Variants in GARNL3 observed in about 807,000 individuals in gnomAD.
GARNL3 encodes the protein GTPase-activating Rap/Ran-GAP domain-like protein 3.
GARNL3 carries 63 observed loss-of-function variants against 125.0 expected under a neutral mutation model. The observed-to-expected ratio is 0.50, with a 90% confidence interval of 0.41 to 0.62. The LOEUF is 0.62. GARNL3 is among the 20% of genes least tolerant of loss of function. The probability of loss-of-function intolerance (pLI) is 0.00; values close to 1 mark genes in which losing one functional copy is unlikely to be tolerated. For synonymous variants in GARNL3, 439 were observed against 457.5 expected (o/e 0.96, Z 0.52); for missense variants, 994 against 1,244.0 (o/e 0.80, Z 3.02).
chr9:127,322,607 A>G (rs1054561668), intron 6 of GARNL3, among the ~76,000 whole-genome samples: 1 of 152,084 alleles, frequency 6.6e-6, no homozygotes. Flanking sequence ...GCACATGTGT[A>G]TGAGGCTCAG....
intron 27 of GARNL3, 50 bp downstream of exon 27, chr9:127,390,817 A>G (rs772521544): frequency 6.3e-7 from 1 of 1,581,190 alleles, no homozygotes; most frequent in Non-Finnish European, 8.6e-7. Context: ...TATGAGTCAC[A>G]GCACTGCCCA....
intron 7 of GARNL3, among the ~76,000 whole-genome samples, chr9:127,330,920 G>T (rs1294987424): frequency 6.6e-6 from 1 of 152,138 alleles, no homozygotes; most frequent in Non-Finnish European, 1.5e-5. Context: ...CACAGCCTTA[G>T]AACTTGGATT....
intron 2 of GARNL3, among the ~76,000 whole-genome samples, chr9:127,302,710 G>T (rs1232702555): frequency 6.6e-6 from 1 of 152,210 alleles, no homozygotes; most frequent in Non-Finnish European, 1.5e-5. Context: ...GCTGGAGCTG[G>T]AGGACCTTAA....
chr9:127,324,200 A>G (rs1449613813), intron 6 of GARNL3, among the ~76,000 whole-genome samples: 1 of 152,210 alleles, frequency 6.6e-6, no homozygotes. Context: ...GCAATGAGCC[A>G]AGGTCGCACC....
At chr9:127,341,243 A>G (rs1829844650) in intron 13 of GARNL3, among the ~76,000 whole-genome samples, 1 of 152,074 alleles carries the variant, frequency 6.6e-6, no homozygotes, top group African/African-American at 2.4e-5. Context: ...CAGTATTTAT[A>G]CTCATTATTT....
Position 127,384,352 on chromosome 9 carries a change from A to C in GARNL3, c.2270-675A>C, listed in dbSNP as rs1162823877. ...CCATGGAAAGAGTGCAGAGAGAGCC[A>C]GTGCGAAGAAGGGGACAACACGAAG... is the stretch of plus-strand genomic sequence containing the variant. On this transcript the variant is annotated intron_variant, in intron 23 of 27. Transcript: ENST00000373387. This position sits in a 1 kb window ranked among gnomAD's most constrained non-coding sequence, Gnocchi z 4.0. Among the ~76,000 whole-genome samples, 1 of 152,080 alleles carries C rather than the reference A, an allele frequency of 6.6e-6. No individual in the cohort carries two copies. The highest frequency in any genetic ancestry group is 2.4e-5 in the African/African-American group (1 of 41,388).
chr9:127,385,180 TG>T lies in GARNL3; in HGVS notation c.2388+40del. On this transcript the variant is annotated intron_variant, in intron 24 of 27. Coordinates refer to ENST00000373387, the MANE Select transcript of GARNL3 (RefSeq NM_032293.5). The surrounding 1 kb of genome is among the most constrained non-coding windows in gnomAD (Gnocchi z 4.1). ...ACTGGGATTTTATCTCTGAGTGGTT[TG>T]GGGGACCCCGGCACTGTGGGATTTC... 1.4e-6 allele frequency: 2 copies of T among 1,386,554 alleles called. No individual in the cohort carries two copies. The highest frequency in any genetic ancestry group is 1.0e-6 in the Non-Finnish European group (1 of 996,108). The allele number at this position is 1,386,554 out of a possible 1,614,324, so 85.9% of individuals were successfully genotyped here.
chr9:127,254,194 C>T (rs1328263961), intron 2 of GARNL3, among the ~76,000 whole-genome samples: 3 of 152,002 alleles, frequency 2.0e-5, no homozygotes, highest in Non-Finnish European at 4.4e-5. Context: ...TTGAGGAGGT[C>T]TAGGGTAGGA....
upstream of GARNL3, among the ~76,000 whole-genome samples, chr9:127,259,393 C>T (rs1279616921): frequency 1.3e-5 from 2 of 152,146 alleles, no homozygotes; most frequent in African/African-American, 4.8e-5. Context: ...GCCTGGACCA[C>T]GTTGCCTGTG....
At chr9:127,377,451 C>T (rs746909278) in intron 22 of GARNL3, among the ~76,000 whole-genome samples, 36 of 152,048 alleles carry the variant, frequency 2.4e-4, no homozygotes, top group Non-Finnish European at 8.8e-5. Context: ...CCACTGTGTA[C>T]CAAGTCTTAG....
chr9:127,365,504 GA>G lies in GARNL3; in HGVS notation c.2161+143del, dbSNP rs1045192416. ...TGTAATTGCCTTCCAGGAAGGAACT[GA>G]AAAATACCTTCCTCCCTGAGTCTCC... On this transcript the variant is annotated intron_variant, in intron 22 of 27. Coordinates refer to ENST00000373387, the MANE Select transcript of GARNL3 (RefSeq NM_032293.5). The G allele has an allele frequency of 3.1e-5, 23 of 738,872 alleles. No individual in the cohort carries two copies. The African/African-American group carries it at 4.1e-4, about 13-fold the overall frequency. The allele number at this position is 738,872 out of a possible 1,614,324, so 45.8% of individuals were successfully genotyped here.
chr9:127,248,170 C>T (rs1294305978), intron 2 of GARNL3, among the ~76,000 whole-genome samples: 3 of 152,204 alleles, frequency 2.0e-5, no homozygotes, highest in Non-Finnish European at 4.4e-5. Context: ...TTCTATTCCC[C>T]TGCCGTTGTG....
In GARNL3 at chr9:127,384,890, G is replaced by A. The variant is rs2131822962; in HGVS notation, c.2270-137G>A. The A allele has an allele frequency of 1.8e-6, 1 of 552,434 alleles. No homozygotes were observed. Among genetic ancestry groups the A allele is most frequent in the Non-Finnish European group, 3.3e-6 (1 of 306,010 alleles). 34.2% of individuals were successfully genotyped at this position (552,434 alleles called of 1,614,324 possible). On this transcript the variant is annotated intron_variant, in intron 23 of 27. Transcript: ENST00000373387. This position sits in a 1 kb window ranked among gnomAD's most constrained non-coding sequence, Gnocchi z 4.0. ...CTTAGGATCAGGGTGACTTGCACAT[G>A]TGAAGGAAGGAGAGAAGCAGCCAGA... is the stretch of plus-strand genomic sequence containing the variant.
chr9:127,323,791 C>T (rs960030354), intron 6 of GARNL3, among the ~76,000 whole-genome samples: 1 of 151,616 alleles, frequency 6.6e-6, no homozygotes, highest in Non-Finnish European at 1.5e-5. Context: ...ACTGATGTAC[C>T]CATAAAAATT....
intron 5 of GARNL3, 85 bp from the exon 6 acceptor site, chr9:127,320,616 TCTGAGTGTCAGGCC>T: frequency 1.3e-6 from 1 of 746,378 alleles, no homozygotes; most frequent in Non-Finnish European, 2.3e-6. Context: ...ATTTGTATCT[TCTGAGTGTCAGGCC>T]CTTTAGGGAA....
chr9:127,281,625 G>C (rs574111664), intron 1 of GARNL3, among the ~76,000 whole-genome samples: 2 of 152,262 alleles, frequency 1.3e-5, no homozygotes, highest in South Asian at 4.1e-4. Flanking sequence ...CCCCTACTCT[G>C]GTCCTCACAC....
At chr9:127,328,093 T>G (rs2065629928) in intron 7 of GARNL3, among the ~76,000 whole-genome samples, 1 of 152,188 alleles carries the variant, frequency 6.6e-6, no homozygotes, top group Admixed American at 6.5e-5. Flanking sequence ...CTTCACCACT[T>G]TTTCAGGGGC....
At chr9:127,233,596 T>A (rs2131140627) in intron 1 of GARNL3, among the ~76,000 whole-genome samples, 1 of 152,356 alleles carries the variant, frequency 6.6e-6, no homozygotes, top group Non-Finnish European at 1.5e-5. Flanking sequence ...GGTTAAATTA[T>A]GCTTGCTAAG....
Position 127,354,283 on chromosome 9 carries a change from T to G in GARNL3, c.1643-11T>G. The G allele has an allele frequency of 6.2e-7, 1 of 1,603,618 alleles. No homozygotes were observed. Among genetic ancestry groups the G allele is most frequent in the Admixed American group, 1.7e-5 (1 of 59,466 alleles). On this transcript the variant is annotated splice_polypyrimidine_tract_variant and intron_variant, in intron 18 of 27. Coordinates refer to ENST00000373387, the MANE Select transcript of GARNL3 (RefSeq NM_032293.5). ...ATTTAATCTCCTCCTCTGTCTTTTT[T>G]ATGTCACCAGGAAAAGATGCTCGCC...
Sources: allele counts gnomAD v4.1 joint callset (sites outside exome capture counted in the v4.1 genomes callset), GRCh38; gene constraint gnomAD v4.1.1; non-coding constraint Gnocchi (gnomAD v3.1); transcripts MANE v1.5; gene names NCBI Gene and HGNC (gene_info 2026-07-23, HGNC 2026-07-21).